The following RAB5A variants were observed in gnomAD, a reference collection of about 807,000 sequenced individuals.
The protein encoded by RAB5A is RAB5A, member RAS oncogene family.
In RAB5A, 8 loss-of-function variants were observed where a neutral mutation model predicts 25.7. The ratio of observed to expected loss-of-function variants is 0.31; its 90% confidence interval spans 0.18 to 0.56. The LOEUF (loss-of-function observed/expected upper bound fraction) is 0.56, where lower values mean the gene tolerates loss of function less well. Ranked by LOEUF, RAB5A falls within the 20% of genes least tolerant of loss-of-function variation. RAB5A has a pLI of 0.91. For synonymous variants in RAB5A, 98 were observed against 89.8 expected (o/e 1.09, Z -0.52); for missense variants, 192 against 259.7 (o/e 0.74, Z 1.79).
intron 2 of RAB5A, among the ~76,000 whole-genome samples, chr3:19,973,435 A>T (rs984557934): frequency 6.7e-6 from 1 of 148,906 alleles, no homozygotes; most frequent in South Asian, 2.1e-4. Flanking sequence ...AGGCTTATGT[A>T]TTGTGACTTA....
Position 19,969,044 on chromosome 3 carries a change from G to GTTTTTTTTTTTTTT in RAB5A, c.164-6557_164-6556insTTTTTTTTTTTTTT, listed in dbSNP as rs746635502. Among the ~76,000 whole-genome samples the GTTTTTTTTTTTTTT allele has an allele frequency of 1.4e-3, 91 of 65,504 alleles. 3 individuals carry two copies. The highest frequency in any genetic ancestry group is 2.2e-3 in the Admixed American group (14 of 6,300). The allele number at this position is 65,504 out of a possible 152,430, so 43.0% of individuals were successfully genotyped here. A position where few individuals can be genotyped will look rare whatever the true frequency, so the allele number is the denominator to read the frequency against. On this transcript the variant is annotated intron_variant, in intron 2 of 5. Coordinates refer to ENST00000273047, the MANE Select transcript of RAB5A (RefSeq NM_004162.5). ...TTTTTGGTTTTGGTTTTTTTTTTTT[G>GTTTTTTTTTTTTTT]GTTTTTTTTTTTTTTTTGAGATGGA...
In RAB5A at chr3:19,983,895, A is replaced by T; in HGVS notation, c.*72A>T. On this transcript the variant is annotated 3_prime_UTR_variant, in exon 6 of 6. Coordinates refer to ENST00000273047, the MANE Select transcript of RAB5A (RefSeq NM_004162.5). ...TAATAACAATGGAATTGGAGCATTT[A>T]ACCAGCCCAGTATGACTTCCAAAAG... The T allele has an allele frequency of 9.7e-7, 1 of 1,032,822 alleles. No individual in the cohort carries two copies. Among genetic ancestry groups the T allele is most frequent in the Non-Finnish European group, 1.5e-6 (1 of 684,432 alleles). 64.0% of individuals were successfully genotyped at this position (1,032,822 alleles called of 1,614,324 possible). A position where few individuals can be genotyped will look rare whatever the true frequency, so the allele number is the denominator to read the frequency against.
intron 5 of RAB5A, among the ~76,000 whole-genome samples, 190 bp from the exon 6 acceptor site, chr3:19,983,518 A>C (rs571294767): frequency 3.6e-4 from 54 of 152,104 alleles, no homozygotes; most frequent in Non-Finnish European, 7.2e-4. Flanking sequence ...TACCCCAGAA[A>C]TCAAACTCCC....
chr3:19,955,074 T>A (rs1177286809), intron 2 of RAB5A, among the ~76,000 whole-genome samples: 1 of 152,188 alleles, frequency 6.6e-6, no homozygotes, highest in East Asian at 1.9e-4. Context: ...GCTTGGTAGC[T>A]CTTCAGTAAA....
chr3:19,963,218 C>A (rs1156628441), intron 2 of RAB5A, among the ~76,000 whole-genome samples: 1 of 152,104 alleles, frequency 6.6e-6, no homozygotes, highest in Non-Finnish European at 1.5e-5. Flanking sequence ...GGTAATATTT[C>A]TCAGTACATC....
chr3:19,956,520 A>G (rs1013072741), intron 2 of RAB5A, among the ~76,000 whole-genome samples: 2 of 152,234 alleles, frequency 1.3e-5, no homozygotes, highest in African/African-American at 4.8e-5. Flanking sequence ...TACATATTTA[A>G]CATCCATCTA....
intron 2 of RAB5A, among the ~76,000 whole-genome samples, chr3:19,969,947 G>A (rs1696720614): frequency 6.6e-6 from 1 of 152,022 alleles, no homozygotes; most frequent in Non-Finnish European, 1.5e-5. Flanking sequence ...GGGATTACAG[G>A]CTCATGCCAC....
chr3:19,954,529 C>G (rs1365097445), intron 2 of RAB5A, among the ~76,000 whole-genome samples: 1 of 152,060 alleles, frequency 6.6e-6, no homozygotes, highest in Admixed American at 6.5e-5. Context: ...TTTACGAATT[C>G]CTGTTGCGCT....
chr3:19,958,337 A>ATATT (rs1442100118), intron 2 of RAB5A, among the ~76,000 whole-genome samples: 1 of 152,214 alleles, frequency 6.6e-6, no homozygotes, highest in East Asian at 1.9e-4. Context: ...TAGAGATTTG[A>ATATT]TATTTCAAAT....
At chr3:19,982,209 A>G (rs547411698) in intron 5 of RAB5A, among the ~76,000 whole-genome samples, 26 of 152,300 alleles carry the variant, frequency 1.7e-4, no homozygotes, top group African/African-American at 5.5e-4. Context: ...CCACACTCTA[A>G]CTTGGGCTAC....
At chr3:19,957,530 G>A (rs1014933913) in intron 2 of RAB5A, among the ~76,000 whole-genome samples, 2 of 151,060 alleles carry the variant, frequency 1.3e-5, no homozygotes, top group South Asian at 2.1e-4. Flanking sequence ...GGGCGTGGTC[G>A]CGCATGCCTG....
intron 5 of RAB5A, among the ~76,000 whole-genome samples, chr3:19,979,657 C>T (rs1397457953): frequency 1.3e-5 from 2 of 151,980 alleles, no homozygotes; most frequent in Admixed American, 6.5e-5. Flanking sequence ...AATAAGCCTC[C>T]TTTTTTCTAT....
At chr3:19,977,992 G>C (rs1473153431) in intron 4 of RAB5A, among the ~76,000 whole-genome samples, 1 of 152,204 alleles carries the variant, frequency 6.6e-6, no homozygotes, top group African/African-American at 2.4e-5. Context: ...AGATCAAAGA[G>C]AGTTTTATTT....
intron 5 of RAB5A, among the ~76,000 whole-genome samples, chr3:19,980,518 C>G (rs1364900539): frequency 6.6e-6 from 1 of 151,066 alleles, no homozygotes; most frequent in Non-Finnish European, 1.5e-5. Context: ...ACAGTGCACT[C>G]ATAACAACTC....
At chr3:19,953,312 A>G (rs1401227470) in intron 2 of RAB5A, among the ~76,000 whole-genome samples, 2 of 152,124 alleles carry the variant, frequency 1.3e-5, no homozygotes, top group Non-Finnish European at 2.9e-5. Context: ...TAGATTGTCT[A>G]GATTTCATTA....
chr3:19,983,666 T>C (rs1300288614), intron 5 of RAB5A, 42 bp from the exon 6 acceptor site: 2 of 1,275,108 alleles, frequency 1.6e-6, no homozygotes, highest in Admixed American at 1.9e-5. Context: ...GATATTAATA[T>C]GAGTATTCAA....
At chr3:19,975,452 C>T (rs1298659677) in intron 2 of RAB5A, 149 bp from the exon 3 acceptor site, 3 of 658,234 alleles carry the variant, frequency 4.6e-6, no homozygotes, top group Non-Finnish European at 7.1e-6. Flanking sequence ...TTTCCCCCCT[C>T]ATTTATTACT....
chr3:19,980,443 A>AC (rs1159452172), intron 5 of RAB5A, among the ~76,000 whole-genome samples: 2 of 42,036 alleles, frequency 4.8e-5, no homozygotes, highest in African/African-American at 1.3e-4. Context: ...CTAGGTTAGT[A>AC]AATTTTTTTT....
chr3:19,970,102 A>G (rs1696723532), intron 2 of RAB5A, among the ~76,000 whole-genome samples: 1 of 149,044 alleles, frequency 6.7e-6, no homozygotes, highest in Non-Finnish European at 1.5e-5. Context: ...GGTTTTCACC[A>G]TGTTGGTCAG....
Sources: gnomAD v4.1 joint callset for allele counts (sites outside exome capture counted in the v4.1 genomes callset) on GRCh38, gnomAD v4.1.1 for gene constraint, MANE v1.5 for transcripts, NCBI Gene and HGNC (gene_info 2026-07-23, HGNC 2026-07-21) for gene names.